AK8: variants seen among roughly 807,000 people sequenced by gnomAD.
The protein encoded by AK8 is adenylate kinase 8.
In AK8, 44 loss-of-function variants were observed where a neutral mutation model predicts 54.6. That is an observed-to-expected ratio of 0.81 (90% CI 0.63 to 1.04). The LOEUF is 1.04. Among genes scored for constraint, AK8 ranks in the 50% least tolerant of loss-of-function variants. The probability of loss-of-function intolerance (pLI) is 0.00; values close to 1 mark genes in which losing one functional copy is unlikely to be tolerated. For synonymous variants in AK8, 239 were observed against 245.6 expected, an observed-to-expected ratio of 0.97 and a Z score of 0.25; for missense variants, 555 against 613.6, an observed-to-expected ratio of 0.90 and a Z score of 1.01.
At chr9:132,845,778 C>CAA (rs35258934) in intron 5 of AK8, among the ~76,000 whole-genome samples, 274 of 108,724 alleles carry the variant, frequency 2.5e-3, no homozygotes, top group South Asian at 0.011. Flanking sequence ...AACTCCATCT[C>CAA]AAAAAAAAAA....
chr9:132,853,010 AAAG>A (rs918934469), intron 5 of AK8, among the ~76,000 whole-genome samples: 1 of 152,042 alleles, frequency 6.6e-6, no homozygotes, highest in African/African-American at 2.4e-5. Flanking sequence ...CAAACACCAA[AAAG>A]AATAAGCCCA....
intron 10 of AK8, among the ~76,000 whole-genome samples, chr9:132,810,519 G>A (rs1405624314): frequency 1.3e-5 from 2 of 152,204 alleles, no homozygotes; most frequent in Non-Finnish European, 2.9e-5. Context: ...GTCTCTCGAA[G>A]AGGAAGTAAC....
chr9:132,773,107 G>A (rs1391078264), intron 11 of AK8, among the ~76,000 whole-genome samples: 3 of 152,214 alleles, frequency 2.0e-5, no homozygotes, highest in Non-Finnish European at 4.4e-5. Context: ...GGTCTCCTGT[G>A]ACCTCTGACA....
At chr9:132,825,224 A>C (rs1016973148) in intron 8 of AK8, among the ~76,000 whole-genome samples, 2 of 152,178 alleles carry the variant, frequency 1.3e-5, no homozygotes, top group African/African-American at 4.8e-5. Flanking sequence ...CTTTTTAAAA[A>C]TGTGTGGTTG....
chr9:132,785,305 T>C (rs569287089), intron 11 of AK8, among the ~76,000 whole-genome samples: 98 of 152,224 alleles, frequency 6.4e-4, no homozygotes, highest in Non-Finnish European at 5.0e-4. Flanking sequence ...GGTTCCACCA[T>C]ATTGTCCAGG....
At chr9:132,736,050 T>TA (rs1837089455) in intron 11 of AK8, among the ~76,000 whole-genome samples, 1 of 152,194 alleles carries the variant, frequency 6.6e-6, no homozygotes, top group African/African-American at 2.4e-5. Context: ...TATCCACACA[T>TA]ACCTAAACAT....
intron 11 of AK8, among the ~76,000 whole-genome samples, chr9:132,774,813 AT>A (rs2131102328): frequency 6.6e-6 from 1 of 152,222 alleles, no homozygotes; most frequent in Admixed American, 6.5e-5. Context: ...TCTGATTTCC[AT>A]GGCGGGGAAG....
At chr9:132,787,382 C>T (rs1839757224) in intron 11 of AK8, among the ~76,000 whole-genome samples, 1 of 152,028 alleles carries the variant, frequency 6.6e-6, no homozygotes, top group South Asian at 2.1e-4. Context: ...CAAACTTCCA[C>T]AGAAAGAAAA....
chr9:132,837,411 G>A lies in AK8; in HGVS notation c.403-8685C>T, dbSNP rs771706747. On this transcript the variant is annotated intron_variant, in intron 5 of 12. Coordinates refer to ENST00000298545, the MANE Select transcript of AK8 (RefSeq NM_152572.3). The surrounding 1 kb of genome is among the most constrained non-coding windows in gnomAD (Gnocchi z 4.3). The stretch of plus-strand genomic sequence containing the variant: ...GTGGGTGCCCTGCTAGCTCTCGGGA[G>A]CAGACGTGGCACCTCTGACTCTCTG... Among the ~76,000 whole-genome samples the A allele has an allele frequency of 2.6e-4, 39 of 151,984 alleles. No individual in the cohort carries two copies. The highest frequency in any genetic ancestry group is 4.7e-4 in the Non-Finnish European group (32 of 68,000).
intron 11 of AK8, among the ~76,000 whole-genome samples, chr9:132,771,937 T>C (rs1229067909): frequency 6.6e-6 from 1 of 152,080 alleles, no homozygotes; most frequent in Non-Finnish European, 1.5e-5. Flanking sequence ...GCAAGTCACA[T>C]CTTATATGGA....
chr9:132,823,110 C>T (rs1564422070), intron 9 of AK8, 95 bp downstream of exon 9: 2 of 1,464,382 alleles, frequency 1.4e-6, no homozygotes, highest in Non-Finnish European at 9.0e-7. Context: ...CCTTCCCCCC[C>T]AACACCACCC....
chr9:132,845,993 G>A (rs1422067938), intron 5 of AK8, among the ~76,000 whole-genome samples: 1 of 152,090 alleles, frequency 6.6e-6, no homozygotes, highest in Non-Finnish European at 1.5e-5. Context: ...GGAAAGAAGG[G>A]CAGTGCGGCT....
intron 5 of AK8, among the ~76,000 whole-genome samples, chr9:132,841,381 C>T (rs1588199554): frequency 6.6e-6 from 1 of 152,224 alleles, no homozygotes; most frequent in Admixed American, 6.5e-5. Flanking sequence ...CATGACGAGC[C>T]GTCATAATTG....
intron 11 of AK8, among the ~76,000 whole-genome samples, chr9:132,747,786 G>C (rs1013913691): frequency 6.8e-6 from 1 of 146,884 alleles, no homozygotes; most frequent in Non-Finnish European, 1.5e-5. Context: ...TTTACAATGA[G>C]ACTGTACTAT....
At chr9:132,831,808 A>C (rs1196174351) in intron 5 of AK8, among the ~76,000 whole-genome samples, 1 of 152,138 alleles carries the variant, frequency 6.6e-6, no homozygotes, top group East Asian at 1.9e-4. Flanking sequence ...AAATCCCAGC[A>C]CTTTAGGAGG....
chr9:132,778,218 G>A (rs954032820), intron 11 of AK8, among the ~76,000 whole-genome samples: 16 of 152,288 alleles, frequency 1.1e-4, no homozygotes, highest in Admixed American at 2.0e-4. Flanking sequence ...GTAAACTCTC[G>A]GATGATGGCA....
chr9:132,763,196 G>A (rs1454224776), intron 11 of AK8, among the ~76,000 whole-genome samples: 4 of 152,212 alleles, frequency 2.6e-5, no homozygotes, highest in African/African-American at 9.6e-5. Context: ...GCTGGAGTGT[G>A]CCTTGCTTTT....
At chr9:132,761,301 C>G (rs1270801840) in intron 11 of AK8, among the ~76,000 whole-genome samples, 1 of 139,930 alleles carries the variant, frequency 7.1e-6, no homozygotes, top group Non-Finnish European at 1.5e-5. Context: ...GGGTCTCACT[C>G]AGTCACCCAG....
intron 9 of AK8, among the ~76,000 whole-genome samples, chr9:132,817,150 A>T (rs1841368870): frequency 6.6e-6 from 1 of 152,358 alleles, no homozygotes; most frequent in South Asian, 2.1e-4. Context: ...CAGAAAGGGC[A>T]GACCTTAGCT....
Sources: gnomAD v4.1 joint callset for allele counts (sites outside exome capture counted in the v4.1 genomes callset) on GRCh38, gnomAD v4.1.1 for gene constraint, Gnocchi (gnomAD v3.1) non-coding constraint, MANE v1.5 for transcripts, NCBI Gene and HGNC (gene_info 2026-07-23, HGNC 2026-07-21) for gene names.